Variants in FAM168A observed in about 807,000 individuals in gnomAD.
FAM168A encodes protein FAM168A.
A neutral mutation model predicts 28.5 loss-of-function variants in FAM168A; 3 were observed. The observed-to-expected ratio is 0.11, with a 90% CI of 0.05 to 0.27. The LOEUF (loss-of-function observed/expected upper bound fraction) is 0.27. Ranked by LOEUF, FAM168A falls within the 10% of genes least tolerant of loss-of-function variation. FAM168A has a pLI of 1.00. For missense variants in FAM168A, 222 were observed against 311.5 expected (o/e 0.71, Z 2.16); for synonymous variants, 122 against 124.2 (o/e 0.98, Z 0.12).
chr11:73,512,532 T>G (rs1051135921), intron 1 of FAM168A, among the ~76,000 whole-genome samples: 7 of 152,150 alleles, frequency 4.6e-5, no homozygotes, highest in East Asian at 3.9e-4. Context: ...CTGAATTGTG[T>G]ACTTTCAAAG....
At chr11:73,452,813 AT>A (rs66464830) in intron 2 of FAM168A, among the ~76,000 whole-genome samples, 20,493 of 145,848 alleles carry the variant, frequency 0.14, 2,055 homozygotes, top group African/African-American at 0.29. Context: ...CAAAAAAAAA[AT>A]AATAATAATA....
chr11:73,575,324 C>T (rs1944158900), intron 1 of FAM168A, among the ~76,000 whole-genome samples: 1 of 152,170 alleles, frequency 6.6e-6, no homozygotes, highest in South Asian at 2.1e-4. Flanking sequence ...CAGATATATA[C>T]ATCTGATGAT....
rs573817778 is a variant in FAM168A, at chr11:73,457,553, C to T, written c.70+10852G>A. Among the ~76,000 whole-genome samples, 18 of 150,754 alleles carry T rather than the reference C, an allele frequency of 1.2e-4. No individual in the cohort carries two copies. The South Asian group carries it at 3.6e-3, about 30-fold the overall frequency. On this transcript the variant is annotated intron_variant, in intron 2 of 7. Transcript: ENST00000356467. ...ATATTTAAACAACATTGTGAATGTACCTAATGCCACTCAATTATACACTTA... is the reference window on the plus strand; with the variant it reads ...ATATTTAAACAACATTGTGAATGTATCTAATGCCACTCAATTATACACTTA...
chr11:73,432,710 G>T (rs1047058975), intron 2 of FAM168A, among the ~76,000 whole-genome samples: 1 of 151,842 alleles, frequency 6.6e-6, no homozygotes, highest in African/African-American at 2.4e-5. Flanking sequence ...TCAAGAGATC[G>T]AGACCAGCCT....
At chr11:73,597,767 G>C (rs1944454218) in intron 1 of FAM168A, among the ~76,000 whole-genome samples, 156 bp downstream of exon 1, 1 of 140,674 alleles carries the variant, frequency 7.1e-6, no homozygotes, top group Non-Finnish European at 1.5e-5. Context: ...GCCAGCGCCT[G>C]GACAAGTCTC....
At chr11:73,577,507 T>G (rs1944190498) in intron 1 of FAM168A, among the ~76,000 whole-genome samples, 1 of 152,242 alleles carries the variant, frequency 6.6e-6, no homozygotes, top group Admixed American at 6.5e-5. Context: ...TGCCTGATCC[T>G]TTTACAAAGT....
chr11:73,548,204 AAAATG>A (rs1473660940), intron 1 of FAM168A, among the ~76,000 whole-genome samples: 2 of 152,194 alleles, frequency 1.3e-5, no homozygotes, highest in African/African-American at 4.8e-5. Context: ...TATACACTTA[AAAATG>A]GTTAAGACAG....
intron 4 of FAM168A, among the ~76,000 whole-genome samples, chr11:73,414,204 T>G (rs1866662855): frequency 6.6e-6 from 1 of 152,250 alleles, no homozygotes; most frequent in Admixed American, 6.5e-5. Flanking sequence ...ATGTTTTTTG[T>G]AATTGAAGCT....
intron 2 of FAM168A, among the ~76,000 whole-genome samples, chr11:73,434,612 T>C (rs1235202612): frequency 2.0e-5 from 3 of 152,098 alleles, no homozygotes; most frequent in Admixed American, 6.5e-5. Flanking sequence ...GGGGCAGTAG[T>C]AGTAGAGTAA....
intron 1 of FAM168A, among the ~76,000 whole-genome samples, chr11:73,502,680 G>C (rs143049164): frequency 0.013 from 2,023 of 152,166 alleles, 44 homozygotes; most frequent in African/African-American, 0.045. Flanking sequence ...CCAAAACTGG[G>C]AAGAGACACA....
intron 1 of FAM168A, among the ~76,000 whole-genome samples, chr11:73,489,910 C>G (rs1322758625): frequency 6.6e-6 from 1 of 152,142 alleles, no homozygotes; most frequent in Non-Finnish European, 1.5e-5. Flanking sequence ...ATTCTGGCAG[C>G]TCTTTCTCAA....
rs1867317459 is a variant in FAM168A, at chr11:73,446,492, T to A, written c.71-15722A>T. Among the ~76,000 whole-genome samples the A allele has an allele frequency of 1.3e-5, 2 of 152,056 alleles. 1 individual carries two copies. Among genetic ancestry groups the A allele is most frequent in the South Asian group, 4.1e-4 (2 of 4,822 alleles). On this transcript the variant is annotated intron_variant, in intron 2 of 7. Coordinates refer to ENST00000356467, the MANE Select transcript of FAM168A (RefSeq NM_015159.3). ...ATATGAGAAAATTACCTGAGCAACATCTAAAAGGAAAGGTCTCTGACACAC... is the reference window on the plus strand; with the variant it reads ...ATATGAGAAAATTACCTGAGCAACAACTAAAAGGAAAGGTCTCTGACACAC...
intron 1 of FAM168A, among the ~76,000 whole-genome samples, chr11:73,530,909 A>G (rs1943507254): frequency 6.6e-6 from 1 of 152,206 alleles, no homozygotes; most frequent in East Asian, 1.9e-4. Context: ...TGGGATTTGT[A>G]GTCCTGTTCC....
At chr11:73,531,558 TAA>T (rs1943513093) in intron 1 of FAM168A, among the ~76,000 whole-genome samples, 2 of 152,126 alleles carry the variant, frequency 1.3e-5, no homozygotes, top group Admixed American at 6.5e-5. Context: ...AATATACCTA[TAA>T]TGAGCAGACA....
At chr11:73,551,933 C>T (rs575713917) in intron 1 of FAM168A, among the ~76,000 whole-genome samples, 2 of 152,328 alleles carry the variant, frequency 1.3e-5, no homozygotes, top group Non-Finnish European at 2.9e-5. Flanking sequence ...CTTAAATACC[C>T]ATGCTGGTAC....
At chr11:73,516,783 G>A (rs1943309767) in intron 1 of FAM168A, among the ~76,000 whole-genome samples, 1 of 152,118 alleles carries the variant, frequency 6.6e-6, no homozygotes, top group Non-Finnish European at 1.5e-5. Context: ...ATGAGTCAAT[G>A]GACCTCTGGT....
Position 73,484,522 on chromosome 11 carries a change from A to C in FAM168A, c.-18-16030T>G, listed in dbSNP as rs75990808. On this transcript the variant is annotated intron_variant, in intron 1 of 7. Transcript: ENST00000356467. ...AGGAGAGAGAGATATATATAGATATATATATCTATATATCTATATATCTAT... is the reference window on the plus strand; with the variant it reads ...AGGAGAGAGAGATATATATAGATATCTATATCTATATATCTATATATCTAT... 5.3e-3 allele frequency among the ~76,000 whole-genome samples: 752 copies of C among 142,594 alleles called. 13 individuals carry two copies. The highest frequency in any genetic ancestry group is 9.1e-3 in the East Asian group (45 of 4,962). 93.5% of individuals were successfully genotyped at this position (142,594 alleles called of 152,430 possible). A position where few individuals can be genotyped will look rare whatever the true frequency, so the allele number is the denominator to read the frequency against.
intron 1 of FAM168A, among the ~76,000 whole-genome samples, chr11:73,534,995 C>T (rs1030436884): frequency 1.3e-5 from 2 of 152,078 alleles, no homozygotes; most frequent in Non-Finnish European, 2.9e-5. Flanking sequence ...GGCAGCCAGG[C>T]CTCCAACTTG....
At chr11:73,412,111 C>T (rs997258005) in intron 4 of FAM168A, 1 of 155,780 alleles carries the variant, frequency 6.4e-6, no homozygotes, top group Admixed American at 6.2e-5. Flanking sequence ...AAACACCATT[C>T]GGAGACCCTC....
Sources: gnomAD v4.1 joint callset for allele counts (sites outside exome capture counted in the v4.1 genomes callset) on GRCh38, gnomAD v4.1.1 for gene constraint, MANE v1.5 for transcripts, NCBI Gene and HGNC (gene_info 2026-07-23, HGNC 2026-07-21) for gene names.